The following ADA2 variants were observed in gnomAD, a reference collection of about 807,000 sequenced individuals.
ADA2 encodes adenosine deaminase 2.
Under a neutral mutation model 44.2 loss-of-function variants are expected in ADA2, and 29 were observed. That is an observed-to-expected ratio of 0.66 (90% CI 0.49 to 0.89). The LOEUF is 0.89. Ranked by LOEUF, ADA2 falls within the 40% of genes least tolerant of loss-of-function variation. ADA2 has a pLI of 0.00. For missense variants in ADA2, 637 were observed against 644.8 expected (o/e 0.99, Z 0.13); for synonymous variants, 215 against 234.9 (o/e 0.92, Z 0.77).
chr22:17,211,587 T>C (rs1201395320), intron 1 of ADA2, among the ~76,000 whole-genome samples: 7 of 151,030 alleles, frequency 4.6e-5, no homozygotes, highest in Non-Finnish European at 8.9e-5. Flanking sequence ...GAGCCAAAAT[T>C]GCGCCACTGC....
intron 4 of ADA2, among the ~76,000 whole-genome samples, chr22:17,201,967 C>CTTTTTTTTTTTTTTTTTTT (rs71200247): frequency 9.7e-6 from 1 of 103,122 alleles, no homozygotes. Context: ...TTTCTTTTTT[C>CTTTTTTTTTTTTTTTTTTT]TTTTTTTTTT....
intron 4 of ADA2, chr22:17,193,357 GCAAAAAAAAAAAAA>G: frequency 4.3e-5 from 2 of 47,024 alleles, no homozygotes; most frequent in Non-Finnish European, 3.6e-5. Context: ...CGTAAAAACT[GCAAAAAAAAAAAAA>G]AAAAAAAAAA....
rs566387814 is a variant in ADA2, at chr22:17,215,435, G to A, written c.-47+3921C>T. On this transcript the variant is annotated intron_variant, in intron 1 of 9. Coordinates refer to ENST00000399837, the MANE Select transcript of ADA2 (RefSeq NM_001282225.2). Reference sequence around the variant, plus strand: ...AGCCTGACCAACATGGTGAAACCCCGTCTCTACTAAAAATACAAAAATTAG... The same window carrying A: ...AGCCTGACCAACATGGTGAAACCCCATCTCTACTAAAAATACAAAAATTAG... 1.1e-4 allele frequency among the ~76,000 whole-genome samples: 17 copies of A among 151,136 alleles called. No individual in the cohort carries two copies. The East Asian group carries it at 1.6e-3, about 14-fold the overall frequency.
chr22:17,188,003 C>T (rs2062057270), intron 7 of ADA2, among the ~76,000 whole-genome samples: 1 of 151,150 alleles, frequency 6.6e-6, no homozygotes, highest in Non-Finnish European at 1.5e-5. Flanking sequence ...ACTTGGAAGG[C>T]TGAGGCAGGA....
At chr22:17,193,314 AG>A in intron 4 of ADA2, 1 of 551,350 alleles carries the variant, frequency 1.8e-6, no homozygotes, top group Admixed American at 2.6e-5. Flanking sequence ...ATGAGTAGAC[AG>A]CTCATGTCCC....
chr22:17,209,930 G>C (rs2062400592), intron 1 of ADA2: 1 of 448,272 alleles, frequency 2.2e-6, no homozygotes, highest in Admixed American at 4.3e-5. Flanking sequence ...TCGCTCTGCT[G>C]CCCAGGCTGG....
intron 4 of ADA2, chr22:17,198,741 G>GC (rs992942037): frequency 1.3e-5 from 2 of 152,278 alleles, no homozygotes; most frequent in Non-Finnish European, 2.9e-5. Context: ...TCTTGGAAGA[G>GC]CCCCATGCTA....
chr22:17,214,014 G>C (rs1400884598), intron 1 of ADA2: 2 of 358,516 alleles, frequency 5.6e-6, no homozygotes, highest in Non-Finnish European at 1.0e-5. Flanking sequence ...ACTCCAGCCT[G>C]AGCAACAAGA....
chr22:17,207,946 A>G (rs568485392), intron 2 of ADA2, among the ~76,000 whole-genome samples: 1 of 151,984 alleles, frequency 6.6e-6, no homozygotes, highest in South Asian at 2.1e-4. Flanking sequence ...CCCACCAGAC[A>G]CCAGCTGTGC....
chr22:17,188,278 G>T (rs2062062286), intron 7 of ADA2, 61 bp downstream of exon 7: 3 of 1,248,684 alleles, frequency 2.4e-6, no homozygotes, highest in Admixed American at 1.7e-5. Flanking sequence ...GCATGGGCCT[G>T]TGGCCAGGAG....
At chr22:17,188,602 A>G (rs905198274) in intron 6 of ADA2, 155 bp from the exon 7 acceptor site, 133 of 553,046 alleles carry the variant, frequency 2.4e-4, no homozygotes, top group Middle Eastern at 9.8e-4. Flanking sequence ...GGAGCAGGCC[A>G]GGCGTGGTGG....
At chr22:17,200,154 C>T (rs1476871058) in intron 4 of ADA2, among the ~76,000 whole-genome samples, 1 of 151,996 alleles carries the variant, frequency 6.6e-6, no homozygotes, top group African/African-American at 2.4e-5. Context: ...AAGATCACGC[C>T]ACTTTACTCC....
rs1181412978 is a variant in ADA2, at chr22:17,188,227, A to G, written c.1081+112T>C. On this transcript the variant is annotated intron_variant, in intron 7 of 9. Transcript: ENST00000399837. ...GTCAGGATTAAGTGAGATAGAGCAC[A>G]GGAAAGGGCTCTGGAAACGCCTGTA... The G allele has an allele frequency of 1.2e-5, 8 of 672,158 alleles. No homozygotes were observed. In the Middle Eastern group the frequency reaches 1.2e-3, roughly 102 times the overall value. The allele number at this position is 672,158 out of a possible 1,614,324, so 41.6% of individuals were successfully genotyped here. A position where few individuals can be genotyped will look rare whatever the true frequency, so the allele number is the denominator to read the frequency against.
At chr22:17,203,847 T>A (rs535836509) in intron 3 of ADA2, 74 bp from the exon 4 acceptor site, 9 of 932,260 alleles carry the variant, frequency 9.7e-6, no homozygotes, top group African/African-American at 6.5e-5. Flanking sequence ...ATAGGACTGC[T>A]ACCCACCTTG....
chr22:17,218,501 G>A (rs574467283), intron 1 of ADA2, among the ~76,000 whole-genome samples: 6 of 151,976 alleles, frequency 3.9e-5, no homozygotes, highest in Non-Finnish European at 5.9e-5. Context: ...GCAGGAGCAC[G>A]GTGACTTCTA....
At chr22:17,188,945 G>A (rs2062078880) in intron 6 of ADA2, among the ~76,000 whole-genome samples, 1 of 147,674 alleles carries the variant, frequency 6.8e-6, no homozygotes, top group Admixed American at 6.8e-5. Context: ...CTGGACTCAG[G>A]TGACCCTCCC....
intron 1 of ADA2, among the ~76,000 whole-genome samples, chr22:17,216,770 A>C (rs202087144): frequency 7.4e-6 from 1 of 134,368 alleles, no homozygotes; most frequent in Admixed American, 8.0e-5. Flanking sequence ...AAAAAAAAAA[A>C]AACACACACA....
chr22:17,218,960 C>A (rs1425833332), intron 1 of ADA2, among the ~76,000 whole-genome samples: 3 of 152,164 alleles, frequency 2.0e-5, no homozygotes, highest in African/African-American at 7.2e-5. Flanking sequence ...CGTTCAAGAC[C>A]AGCCTGGCCA....
rs374170344 is a variant in ADA2 at position 17,184,983 on chromosome 22, A to AATAT, written c.1082-2226_1082-2223dup. 8.3e-3 allele frequency among the ~76,000 whole-genome samples: 656 copies of AATAT among 78,698 alleles called. 85 individuals carry two copies. The highest frequency in any genetic ancestry group is 0.023 in the African/African-American group (404 of 17,840). The allele number at this position is 78,698 out of a possible 152,430, so 51.6% of individuals were successfully genotyped here. ...CTGGGTGACAGAGTGCCCATGTCAA[A>AATAT]ATATATATATATATATATATATATG... On this transcript the variant is annotated intron_variant, in intron 7 of 9. Coordinates refer to ENST00000399837, the MANE Select transcript of ADA2 (RefSeq NM_001282225.2).
Sources: allele counts gnomAD v4.1 joint callset (sites outside exome capture counted in the v4.1 genomes callset), GRCh38; gene constraint gnomAD v4.1.1; transcripts MANE v1.5; gene names NCBI Gene and HGNC (gene_info 2026-07-23, HGNC 2026-07-21).